The following CD1A variants were observed in gnomAD, a reference collection of about 807,000 sequenced individuals.
CD1A encodes the protein T-cell surface glycoprotein CD1a.
Under a neutral mutation model 38.3 loss-of-function variants are expected in CD1A, and 50 were observed. The ratio of observed to expected loss-of-function variants is 1.30; its 90% CI spans 1.04 to 1.65. The LOEUF is 1.65. CD1A is among the 40% of genes most tolerant of loss of function. The probability of loss-of-function intolerance (pLI) is 0.00; values close to 1 mark genes in which losing one functional copy is unlikely to be tolerated. For missense variants in CD1A, 459 were observed against 406.1 expected, an observed-to-expected ratio of 1.13 and a Z score of -1.12; for synonymous variants, 160 against 150.8, an observed-to-expected ratio of 1.06 and a Z score of -0.45.
At chr1:158,249,556 A>C (rs531965782), upstream of CD1A, among the ~76,000 whole-genome samples, 4 of 152,322 alleles carry the variant, frequency 2.6e-5, no homozygotes, top group South Asian at 8.3e-4. Context: ...ATTTCAACAT[A>C]TGAATTTTGG....
At chr1:158,248,413 T>C in the CD1A span, 9 of 985,112 alleles carry the variant, frequency 9.1e-6, no homozygotes, top group African/African-American at 1.6e-4. Context: ...GAGCAACAGG[T>C]AAGTGCTGCT....
the CD1A span, among the ~76,000 whole-genome samples, chr1:158,249,078 CAT>C: frequency 3.3e-5 from 5 of 152,308 alleles, no homozygotes; most frequent in South Asian, 1.0e-3. Context: ...CTGATCAGCT[CAT>C]AAAACTTTGG....
chr1:158,254,030 G>GTTTTT (rs1398850181), upstream of CD1A: 7 of 45,830 alleles, frequency 1.5e-4, 1 homozygote, highest in African/African-American at 4.3e-4. Flanking sequence ...GTGTTCCTGT[G>GTTTTT]GTTTTTTTTT....
chr1:158,248,931 G>T, the CD1A span, among the ~76,000 whole-genome samples: 2 of 152,144 alleles, frequency 1.3e-5, no homozygotes, highest in Non-Finnish European at 2.9e-5. Context: ...CTGCGTCTCT[G>T]ATAAAGATCA....
In CD1A at chr1:158,255,106, C is replaced by T. The variant is rs1351945684; in HGVS notation, c.81C>T (p.Phe27=). ...CAGGGCTCAAGGAGCCTCTCTCCTT[C>T]CATGTCACCTGGATCGCATCCTTTT... The part of the protein sequence containing the change: ...NADGLKEPLS[F]HVTWIASFYN... Residue 27 remains phenylalanine, a synonymous_variant, in exon 2 of 6, where the codon TTC becomes TTT. Coordinates refer to ENST00000289429, the MANE Select transcript of CD1A (RefSeq NM_001763.3). The T allele has an allele frequency of 6.2e-7, 1 of 1,613,972 alleles. No individual in the cohort carries two copies. The highest frequency in any genetic ancestry group is 1.3e-5 in the African/African-American group (1 of 74,874).
At chr1:158,256,683 A>G (rs1319335425) in intron 3 of CD1A, 103 bp from the exon 4 acceptor site, 1 of 1,412,370 alleles carries the variant, frequency 7.1e-7, no homozygotes, top group Admixed American at 2.3e-5. Context: ...CTCAAAAAAA[A>G]AAAAAAGAGA....
intron 3 of CD1A, 85 bp from the exon 4 acceptor site, chr1:158,256,701 A>C: frequency 3.4e-6 from 5 of 1,459,954 alleles, no homozygotes; most frequent in Non-Finnish European, 4.6e-6. Flanking sequence ...AGAAATGGGA[A>C]CAATGTGTCT....
At chr1:158,257,244 G>C (rs1260973297) in intron 4 of CD1A, among the ~76,000 whole-genome samples, 177 bp from the exon 5 acceptor site, 2 of 152,096 alleles carry the variant, frequency 1.3e-5, no homozygotes, top group Non-Finnish European at 2.9e-5. Flanking sequence ...GGATGCTGAG[G>C]GTTAACTGAA....
chr1:158,257,405 C>G lies in CD1A; in HGVS notation c.884-16C>G. On this transcript the variant is annotated splice_polypyrimidine_tract_variant and intron_variant, in intron 4 of 5. Transcript: ENST00000289429. ...GGATGGATTATAACATCCTTGGTGTCTCCCCAAATTCACAGAGCATCACAG... is the reference window on the plus strand; with the variant it reads ...GGATGGATTATAACATCCTTGGTGTGTCCCCAAATTCACAGAGCATCACAG... 6.3e-7 allele frequency: 1 copy of G among 1,589,396 alleles called. No homozygotes were observed. Among genetic ancestry groups the G allele is most frequent in the East Asian group, 2.2e-5 (1 of 44,760 alleles).
At chr1:158,248,345 T>C in the CD1A span, 2 of 983,608 alleles carry the variant, frequency 2.0e-6, no homozygotes, top group Non-Finnish European at 2.4e-6. Context: ...CATATCTGGG[T>C]TCTGAGGAGA....
upstream of CD1A, among the ~76,000 whole-genome samples, chr1:158,253,772 C>T (rs1170045257): frequency 6.6e-6 from 1 of 152,040 alleles, no homozygotes; most frequent in African/African-American, 2.4e-5. Context: ...TTCAAGCAGG[C>T]CTTGTTTTTA....
rs746371418 is a variant in CD1A, at chr1:158,257,043, C to A, written c.862C>A (p.Gln288Lys). ...GGTGAAGCACAGCAGTCTAGAGGGC[C>A]AGGACATCGTCCTCTACTGGGGTGA... Reference protein sequence around the residue: ...CRVKHSSLEGQDIVLYWEHHS... With the variant: ...CRVKHSSLEGKDIVLYWEHHS... Residue 288 changes from glutamine to lysine, a missense_variant, in exon 4 of 6, where the codon CAG becomes AAG. Coordinates refer to ENST00000289429, the MANE Select transcript of CD1A (RefSeq NM_001763.3). 4 of 1,612,482 alleles carry A rather than the reference C, an allele frequency of 2.5e-6. No individual in the cohort carries two copies. The highest frequency in any genetic ancestry group is 1.7e-5 in the Admixed American group (1 of 59,994).
In CD1A at chr1:158,255,093, A is replaced by T; in HGVS notation, c.68A>T (p.Glu23Val). 1 of 1,613,852 alleles carries T rather than the reference A, an allele frequency of 6.2e-7. No homozygotes were observed. Among genetic ancestry groups the T allele is most frequent in the Non-Finnish European group, 8.5e-7 (1 of 1,179,908 alleles). The change falls in exon 2 of 6, where the codon GAG (glutamate) becomes GTG (valine). Residue 23 changes from glutamate to valine, a missense_variant. By Grantham distance (121) the Glu-to-Val change is moderately radical (BLOSUM62 -2). Coordinates refer to ENST00000289429, the MANE Select transcript of CD1A (RefSeq NM_001763.3). The part of the protein sequence containing the change: ...PGDGNADGLK[E>V]PLSFHVTWIA... Reference sequence around the variant, plus strand: ...TGTTCTTTTGTCGCAGGGCTCAAGGAGCCTCTCTCCTTCCATGTCACCTGG... The same window carrying T: ...TGTTCTTTTGTCGCAGGGCTCAAGGTGCCTCTCTCCTTCCATGTCACCTGG...
chr1:158,254,030 G>GTTTTTTTTTTTTTTT (rs1398850181), upstream of CD1A: 2 of 45,830 alleles, frequency 4.4e-5, 1 homozygote, highest in African/African-American at 1.7e-4. Flanking sequence ...GTGTTCCTGT[G>GTTTTTTTTTTTTTTT]GTTTTTTTTT....
rs1263404186 is a variant in CD1A at position 158,255,182 on chromosome 1, C to A, written c.157C>A (p.Gln53Lys). ...GGTCTCAGGTTGGCTGAGTGATTTG[C>A]AGACTCATACCTGGGACAGCAATTC... ...NLVSGWLSDL[Q>K]THTWDSNSST... is the part of the protein sequence containing the mutation. The change falls in exon 2 of 6, where the codon CAG (glutamine) becomes AAG (lysine). Residue 53 changes from glutamine (Q) to lysine (K), a missense_variant. Gln to Lys is a moderately conservative substitution (Grantham distance 53). Transcript: ENST00000289429. 6.2e-7 allele frequency: 1 copy of A among 1,614,152 alleles called. No homozygotes were observed. The highest frequency in any genetic ancestry group is 1.7e-5 in the Admixed American group (1 of 60,000).
upstream of CD1A, among the ~76,000 whole-genome samples, chr1:158,252,169 G>T (rs1423952044): frequency 3.3e-5 from 5 of 151,554 alleles, no homozygotes; most frequent in Admixed American, 6.6e-5. Context: ...GAGGAGATGG[G>T]TCTGGTTGGG....
At chr1:158,255,603 C>G (rs761316455) in intron 2 of CD1A, among the ~76,000 whole-genome samples, 1 of 152,146 alleles carries the variant, frequency 6.6e-6, no homozygotes, top group African/African-American at 2.4e-5. Context: ...TACAGGTATC[C>G]CAGGACCACC....
rs780179448 is a variant in CD1A, at chr1:158,256,953, G to A, written c.772G>A (p.Gly258Arg). The part of the protein sequence containing the change: ...QRGDILPSAD[G>R]TWYLRATLEV... ...AGGGGACATCTTGCCCAGTGCTGAT[G>A]GGACATGGTATCTCCGCGCAACCCT... The change falls in exon 4 of 6, where the codon GGG (glycine) becomes AGG (arginine). Residue 258 changes from glycine to arginine, a missense_variant. Transcript: ENST00000289429. The A allele has an allele frequency of 5.0e-6, 8 of 1,614,170 alleles. No individual in the cohort carries two copies. The highest frequency in any genetic ancestry group is 6.8e-6 in the Non-Finnish European group (8 of 1,180,036).
At chr1:158,254,030 GGTTTTTTTTTTT>G (rs1650153568), upstream of CD1A, 1 of 45,796 alleles carries the variant, frequency 2.2e-5, no homozygotes, top group African/African-American at 8.5e-5. Context: ...GTGTTCCTGT[GGTTTTTTTTTTT>G]TTTTTTTTTT....
Sources: allele counts gnomAD v4.1 joint callset (sites outside exome capture counted in the v4.1 genomes callset), GRCh38; gene constraint gnomAD v4.1.1; transcripts MANE v1.5; gene names NCBI Gene and HGNC (gene_info 2026-07-23, HGNC 2026-07-21).